Variants in RBFOX1 observed in about 807,000 individuals in gnomAD.
RBFOX1 encodes RNA binding fox-1 homolog 1.
In RBFOX1, 8 loss-of-function variants were observed where a neutral mutation model predicts 57.7. The ratio of observed to expected loss-of-function variants is 0.14; its 90% CI spans 0.08 to 0.25. RBFOX1 has a LOEUF of 0.25. Ranked by LOEUF, RBFOX1 falls within the 10% of genes least tolerant of loss-of-function variation. The pLI, the probability that RBFOX1 is intolerant of heterozygous loss-of-function variation, is 1.00. For missense variants in RBFOX1, 611 were observed against 548.5 expected (o/e 1.11, Z -1.14); for synonymous variants, 326 against 222.4 (o/e 1.47, Z -4.15).
chr16:5,775,610 CT>C (rs1373868820), intron 3 of RBFOX1, among the ~76,000 whole-genome samples: 2 of 152,216 alleles, frequency 1.3e-5, no homozygotes, highest in African/African-American at 2.4e-5. Flanking sequence ...ATCCATACCT[CT>C]TTCCCTTGTC....
At chr16:7,147,553 A>G (rs547070475) in intron 4 of RBFOX1, among the ~76,000 whole-genome samples, 12 of 152,198 alleles carry the variant, frequency 7.9e-5, no homozygotes, top group Admixed American at 3.3e-4. Context: ...CCCACTTACA[A>G]GTGAGAATAT....
At chr16:7,139,396 C>A (rs1229127045) in intron 4 of RBFOX1, among the ~76,000 whole-genome samples, 1 of 152,146 alleles carries the variant, frequency 6.6e-6, no homozygotes, top group African/African-American at 2.4e-5. Context: ...TCCACTAACT[C>A]TATTCCTTTT....
rs149659934 is a variant in RBFOX1 at position 7,297,123 on chromosome 16, T to C, written c.28-221024T>C. The stretch of plus-strand genomic sequence containing the variant: ...GGGTCAAGGGAGAAGACACTGTCTG[T>C]ACCTCCTGAGCTTTCTCTTCATTGT... On this transcript the variant is annotated intron_variant, in intron 4 of 15. Coordinates refer to ENST00000550418, the MANE Select transcript of RBFOX1 (RefSeq NM_018723.4). Among the ~76,000 whole-genome samples the C allele has an allele frequency of 5.4e-3, 829 of 152,262 alleles. 8 individuals carry two copies. Among genetic ancestry groups the C allele is most frequent in the African/African-American group, 0.019 (787 of 41,554 alleles).
chr16:6,769,090 T>C (rs1567170128), intron 3 of RBFOX1, among the ~76,000 whole-genome samples: 2 of 152,258 alleles, frequency 1.3e-5, no homozygotes, highest in South Asian at 2.1e-4. Flanking sequence ...CCAAATCTCA[T>C]CTTGAATTCC....
At chr16:5,519,916 C>T (rs74004366) in intron 2 of RBFOX1, among the ~76,000 whole-genome samples, 1 of 152,138 alleles carries the variant, frequency 6.6e-6, no homozygotes. Context: ...AAGCCATTTA[C>T]TGTGATGAAT....
chr16:7,217,942 G>A (rs369347837), intron 4 of RBFOX1, among the ~76,000 whole-genome samples: 16 of 151,532 alleles, frequency 1.1e-4, no homozygotes, highest in African/African-American at 3.2e-4. Context: ...GCGTGCATGT[G>A]TGTGTGTGTG....
chr16:6,814,504 C>T (rs1042645629), intron 3 of RBFOX1, among the ~76,000 whole-genome samples: 1 of 152,088 alleles, frequency 6.6e-6, no homozygotes, highest in African/African-American at 2.4e-5. Flanking sequence ...TAGTGGGAGA[C>T]AGGCATTGAT....
At chr16:6,015,809 C>T (rs17139127), upstream of RBFOX1, among the ~76,000 whole-genome samples, 24,719 of 152,190 alleles carry the variant, frequency 0.16, 2,595 homozygotes, top group East Asian at 0.42. Flanking sequence ...TAGGCTCCTG[C>T]TCCGTATTGG....
At chr16:5,761,868 C>G (rs1319219875) in intron 3 of RBFOX1, among the ~76,000 whole-genome samples, 1 of 152,142 alleles carries the variant, frequency 6.6e-6, no homozygotes, top group Non-Finnish European at 1.5e-5. Flanking sequence ...AGGGGCCAAT[C>G]ATCCTAGGTC....
intron 3 of RBFOX1, among the ~76,000 whole-genome samples, chr16:6,961,566 G>A (rs972801581): frequency 1.3e-5 from 2 of 152,172 alleles, no homozygotes; most frequent in African/African-American, 4.8e-5. Flanking sequence ...ACAAACGAAT[G>A]GCTACTCCAT....
chr16:7,562,053 G>A (rs936544744), intron 5 of RBFOX1, among the ~76,000 whole-genome samples: 1 of 152,096 alleles, frequency 6.6e-6, no homozygotes, highest in East Asian at 1.9e-4. Context: ...AAAGGTTGGA[G>A]GCGTCAGCCA....
At chr16:7,678,365 T>A (rs1477578961) in intron 14 of RBFOX1, among the ~76,000 whole-genome samples, 1 of 152,172 alleles carries the variant, frequency 6.6e-6, no homozygotes, top group Non-Finnish European at 1.5e-5. Context: ...CTTGAAATAC[T>A]CAAGATCATT....
chr16:7,183,429 C>A lies in RBFOX1; in HGVS notation c.27+131331C>A, dbSNP rs182864447. ...GTGGGCACCATGAAAGTATCCTGAA[C>A]GAAAGTGTTTTATTTCTCTATTGTT... On this transcript the variant is annotated intron_variant, in intron 4 of 15. Transcript: ENST00000550418. Among the ~76,000 whole-genome samples the A allele has an allele frequency of 3.0e-3, 454 of 152,268 alleles. 4 individuals are homozygous for A. Among genetic ancestry groups the A allele is most frequent in the Non-Finnish European group, 5.9e-3 (398 of 68,030 alleles).
chr16:6,741,526 A>T (rs769602930), intron 3 of RBFOX1, among the ~76,000 whole-genome samples: 1 of 151,832 alleles, frequency 6.6e-6, no homozygotes, highest in Non-Finnish European at 1.5e-5. Flanking sequence ...TAGCCAGGCT[A>T]ACTTTGGTGG....
chr16:6,715,959 G>A (rs867002555), intron 3 of RBFOX1, among the ~76,000 whole-genome samples: 2 of 152,174 alleles, frequency 1.3e-5, no homozygotes, highest in African/African-American at 2.4e-5. Context: ...TCAAGGATAC[G>A]ACGCAATTGA....
intron 2 of RBFOX1, among the ~76,000 whole-genome samples, chr16:6,504,692 GA>G (rs1683671312): frequency 6.6e-6 from 1 of 152,148 alleles, no homozygotes; most frequent in South Asian, 2.1e-4. Flanking sequence ...TACATGCATT[GA>G]ATTGCATACT....
At chr16:5,732,964 G>T (rs1027984385) in intron 3 of RBFOX1, among the ~76,000 whole-genome samples, 1 of 152,130 alleles carries the variant, frequency 6.6e-6, no homozygotes, top group African/African-American at 2.4e-5. Context: ...TTTTTGGGGT[G>T]ATGGAAATGT....
chr16:6,950,104 G>A (rs935561455), intron 3 of RBFOX1, among the ~76,000 whole-genome samples: 16 of 144,294 alleles, frequency 1.1e-4, no homozygotes, highest in African/African-American at 3.4e-4. Context: ...GCGCCACTAC[G>A]CAGAGGTAAT....
chr16:5,472,473 G>C (rs1435171255), intron 2 of RBFOX1, among the ~76,000 whole-genome samples: 5 of 152,158 alleles, frequency 3.3e-5, no homozygotes, highest in Admixed American at 3.3e-4. Context: ...GCACAGACAG[G>C]GCAAGGATTA....
Sources: allele counts gnomAD v4.1 joint callset (sites outside exome capture counted in the v4.1 genomes callset), GRCh38; gene constraint gnomAD v4.1.1; transcripts MANE v1.5; gene names NCBI Gene and HGNC (gene_info 2026-07-23, HGNC 2026-07-21).